CCNB1IP1: variants seen among roughly 807,000 people sequenced by gnomAD.
The protein encoded by CCNB1IP1 is E3 ubiquitin-protein ligase CCNB1IP1.
In CCNB1IP1, 14 loss-of-function variants were observed where a neutral mutation model predicts 25.6. The ratio of observed to expected loss-of-function variants is 0.55; its 90% confidence interval spans 0.36 to 0.85. The LOEUF (loss-of-function observed/expected upper bound fraction) is 0.85. Ranked by LOEUF, CCNB1IP1 falls within the 40% of genes least tolerant of loss-of-function variation. The probability of loss-of-function intolerance (pLI) is 0.01; values close to 1 mark genes in which losing one functional copy is unlikely to be tolerated. For synonymous variants in CCNB1IP1, 119 were observed against 116.1 expected (o/e 1.02, Z -0.16); for missense variants, 278 against 342.4 (o/e 0.81, Z 1.48).
intron 4 of CCNB1IP1, among the ~76,000 whole-genome samples, chr14:20,318,802 G>A (rs971680841): frequency 6.6e-6 from 1 of 151,992 alleles, no homozygotes; most frequent in African/African-American, 2.4e-5. Context: ...TCACTCTGTC[G>A]CCCAGGCTGG....
intron 1 of CCNB1IP1, among the ~76,000 whole-genome samples, chr14:20,329,903 T>C (rs1179525497): frequency 1.3e-5 from 2 of 151,268 alleles, no homozygotes; most frequent in Non-Finnish European, 2.9e-5. Flanking sequence ...AAACTTCAGC[T>C]GTCCCCTCTG....
At chr14:20,326,519 GGCAAACT>G in intron 3 of CCNB1IP1, 190 bp downstream of exon 3, 1 of 534,660 alleles carries the variant, frequency 1.9e-6, no homozygotes, top group Non-Finnish European at 3.8e-6. Context: ...ATTTCATCAT[GGCAAACT>G]GTAAATGACT....
At chr14:20,312,766 T>C (rs1594273179) in intron 6 of CCNB1IP1, among the ~76,000 whole-genome samples, 1 of 151,314 alleles carries the variant, frequency 6.6e-6, no homozygotes, top group Admixed American at 6.6e-5. Context: ...GGCATCATAC[T>C]AGATTGTGAT....
chr14:20,322,311 CACCCTGA>C (rs1406234470), intron 4 of CCNB1IP1, among the ~76,000 whole-genome samples: 1 of 151,842 alleles, frequency 6.6e-6, no homozygotes, highest in African/African-American at 2.4e-5. Context: ...CCCACCACCC[CACCCTGA>C]ACCCTCTATG....
rs551141110 is a variant in CCNB1IP1 at position 20,311,813 on chromosome 14, C to T, written c.632-61G>A. On this transcript the variant is annotated intron_variant, in intron 6 of 6. Coordinates refer to ENST00000358932, the MANE Select transcript of CCNB1IP1 (RefSeq NM_021178.5). ...CATTTGTTATCTATATAATCTACTTCAGAGGAATCATCAAATATATATATA... is the reference window on the plus strand; with the variant it reads ...CATTTGTTATCTATATAATCTACTTTAGAGGAATCATCAAATATATATATA... The T allele has an allele frequency of 2.5e-4, 267 of 1,053,100 alleles. 2 individuals are homozygous for T. The South Asian group carries it at 3.1e-3, about 12-fold the overall frequency. The allele number at this position is 1,053,100 out of a possible 1,614,324, so 65.2% of individuals were successfully genotyped here. A position where few individuals can be genotyped will look rare whatever the true frequency, so the allele number is the denominator to read the frequency against.
In CCNB1IP1 at chr14:20,313,468, C is replaced by G; in HGVS notation, c.631G>C (p.Gly211Arg). 1 of 1,571,882 alleles carries G rather than the reference C, an allele frequency of 6.4e-7. No individual in the cohort carries two copies. The highest frequency in any genetic ancestry group is 8.6e-7 in the Non-Finnish European group (1 of 1,158,362). Residue 211 changes from glycine to arginine, a missense_variant and splice_region_variant, in exon 6 of 7, where the codon GGT (glycine) becomes CGT (arginine). Gly to Arg is a moderately radical substitution (Grantham distance 125, BLOSUM62 -2). Transcript: ENST00000358932. ...ACACTTGATACATGTCCTTTCTTACCTAATGGGAAGCCAAGAACACCAGAC... is the reference window on the plus strand; with the variant it reads ...ACACTTGATACATGTCCTTTCTTACGTAATGGGAAGCCAAGAACACCAGAC... The part of the protein sequence containing the change: ...AQSGVLGFPL[G>R]NNSKFPLDNT...
chr14:20,324,261 A>T (rs1428698015), intron 4 of CCNB1IP1, among the ~76,000 whole-genome samples: 4 of 152,178 alleles, frequency 2.6e-5, no homozygotes, highest in Non-Finnish European at 4.4e-5. Context: ...ATCTCAGCTC[A>T]CCACAACCTC....
chr14:20,329,512 A>G (rs1310916179), intron 1 of CCNB1IP1, 139 bp from the exon 2 acceptor site: 3 of 152,222 alleles, frequency 2.0e-5, no homozygotes, highest in Non-Finnish European at 2.9e-5. Context: ...CCCACTCACT[A>G]TCAGTTTCCT....
chr14:20,316,338 G>A lies in CCNB1IP1; in HGVS notation c.186C>T (p.Val62=), dbSNP rs1442734500. ...NSTLSGKLDI[V]RTELSPSEEY... ...CCTCTGATGGACTGAGTTCTGTGCG[G>A]ACAATATCTAGCTTTCCAGAAAGGG... is the stretch of plus-strand genomic sequence containing the variant. The change falls in exon 5 of 7, where the codon GTC becomes GTT. Residue 62 remains valine, a synonymous_variant. Coordinates refer to ENST00000358932, the MANE Select transcript of CCNB1IP1 (RefSeq NM_021178.5). The A allele has an allele frequency of 6.2e-7, 1 of 1,613,812 alleles. No individual in the cohort carries two copies. The highest frequency in any genetic ancestry group is 8.5e-7 in the Non-Finnish European group (1 of 1,179,866).
At chr14:20,317,132 G>A (rs1387718277) in intron 4 of CCNB1IP1, among the ~76,000 whole-genome samples, 2 of 151,924 alleles carry the variant, frequency 1.3e-5, no homozygotes, top group African/African-American at 2.4e-5. Flanking sequence ...ATATAGGCTG[G>A]GCGCGGTGGC....
intron 6 of CCNB1IP1, among the ~76,000 whole-genome samples, chr14:20,312,505 T>C (rs1407540053): frequency 1.3e-5 from 2 of 151,894 alleles, no homozygotes; most frequent in African/African-American, 4.8e-5. Flanking sequence ...GACCACCTCA[T>C]ACTTTTTATA....
chr14:20,332,085 A>AGTGCAATG (rs1883270242), intron 1 of CCNB1IP1, among the ~76,000 whole-genome samples: 1 of 100,846 alleles, frequency 9.9e-6, no homozygotes, highest in Non-Finnish European at 1.9e-5. Flanking sequence ...CCCAGGCTGG[A>AGTGCAATG]GTGCAATGGC....
chr14:20,313,627 T>C lies in CCNB1IP1; in HGVS notation c.472A>G (p.Ser158Gly). 6 of 1,614,224 alleles carry C rather than the reference T, an allele frequency of 3.7e-6. No individual in the cohort carries two copies. Among genetic ancestry groups the C allele is most frequent in the Non-Finnish European group, 5.1e-6 (6 of 1,180,032 alleles). ...KVLEEYKKKF[S>G]DISEKLMERN... is the part of the protein sequence containing the mutation. Reference sequence around the variant, plus strand: ...TCCATAAGTTTCTCAGAGATGTCACTGAACTTTTTCTTGTATTCTTCTAGT... The same window carrying C: ...TCCATAAGTTTCTCAGAGATGTCACCGAACTTTTTCTTGTATTCTTCTAGT... The change falls in exon 6 of 7, where the codon AGT (serine) becomes GGT (glycine). Residue 158 changes from serine to glycine, a missense_variant. Coordinates refer to ENST00000358932, the MANE Select transcript of CCNB1IP1 (RefSeq NM_021178.5).
intron 1 of CCNB1IP1, among the ~76,000 whole-genome samples, 189 bp from the exon 2 acceptor site, chr14:20,329,562 A>G (rs770578674): frequency 5.3e-5 from 8 of 151,764 alleles, no homozygotes; most frequent in Non-Finnish European, 1.0e-4. Flanking sequence ...GTACATATGT[A>G]TAATATTTGC....
Position 20,316,173 on chromosome 14 carries a change from T to C in CCNB1IP1, c.297+54A>G, listed in dbSNP as rs1882687125. The C allele has an allele frequency of 2.6e-5, 39 of 1,490,886 alleles. 1 individual carries two copies. In the South Asian group the frequency reaches 4.5e-4, roughly 17 times the overall value. 92.4% of individuals were successfully genotyped at this position (1,490,886 alleles called of 1,614,324 possible). ...TACAATGAAGGAAAGACACTAGAAGTTCCCACAAATGCCATAAATCACATG... is the reference window on the plus strand; with the variant it reads ...TACAATGAAGGAAAGACACTAGAAGCTCCCACAAATGCCATAAATCACATG... On this transcript the variant is annotated intron_variant, in intron 5 of 6. Coordinates refer to ENST00000358932, the MANE Select transcript of CCNB1IP1 (RefSeq NM_021178.5).
chr14:20,319,295 C>G (rs567145321), intron 4 of CCNB1IP1, among the ~76,000 whole-genome samples: 64 of 152,314 alleles, frequency 4.2e-4, no homozygotes, highest in Middle Eastern at 3.4e-3. Context: ...CCTAAAATAT[C>G]TTCTGATAAC....
At chr14:20,328,894 ACAAT>A (rs1399172788) in intron 2 of CCNB1IP1, among the ~76,000 whole-genome samples, 3 of 152,254 alleles carry the variant, frequency 2.0e-5, no homozygotes, top group South Asian at 2.1e-4. Flanking sequence ...TGCTCCATAA[ACAAT>A]CAATGATCCC....
chr14:20,321,422 G>A (rs1882891238), intron 4 of CCNB1IP1, among the ~76,000 whole-genome samples: 1 of 151,830 alleles, frequency 6.6e-6, no homozygotes, highest in Admixed American at 6.6e-5. Flanking sequence ...GAATATTCAT[G>A]AAATGTATAT....
At chr14:20,332,259 T>C (rs1883276580) in intron 1 of CCNB1IP1, among the ~76,000 whole-genome samples, 1 of 151,828 alleles carries the variant, frequency 6.6e-6, no homozygotes, top group Non-Finnish European at 1.5e-5. Flanking sequence ...CAAATACCTA[T>C]TACTACATTC....
Sources: gnomAD v4.1 joint callset for allele counts (sites outside exome capture counted in the v4.1 genomes callset) on GRCh38, gnomAD v4.1.1 for gene constraint, MANE v1.5 for transcripts, NCBI Gene and HGNC (gene_info 2026-07-23, HGNC 2026-07-21) for gene names.